The following USP34 variants were observed in gnomAD, a reference collection of about 807,000 sequenced individuals.
The protein encoded by USP34 is ubiquitin specific peptidase 34.
A neutral mutation model predicts 460.3 loss-of-function variants in USP34; 70 were observed. The observed-to-expected ratio is 0.15, with a 90% CI of 0.13 to 0.19. USP34 has a LOEUF of 0.19. USP34 is among the 10% of genes least tolerant of loss of function. USP34 has a pLI of 1.00. For missense variants in USP34, 3,985 were observed against 4,236.2 expected, an observed-to-expected ratio of 0.94 and a Z score of 1.65; for synonymous variants, 1,647 against 1,405.3, an observed-to-expected ratio of 1.17 and a Z score of -3.85.
rs541139131 is a variant in USP34, at chr2:61,395,785, C to CAA, written c.553-554_553-553dup. 5.8e-3 allele frequency among the ~76,000 whole-genome samples: 169 copies of CAA among 29,308 alleles called. 5 individuals carry two copies. Among genetic ancestry groups the CAA allele is most frequent in the African/African-American group, 0.015 (103 of 6,984 alleles). 19.2% of individuals were successfully genotyped at this position (29,308 alleles called of 152,430 possible). On this transcript the variant is annotated intron_variant, in intron 3 of 79. Transcript: ENST00000398571. ...TGGGCGACAGAACGAGACTCCGTCT[C>CAA]AAAAAAAAAAAAAAAAAAAAAAAAA...
intron 1 of USP34, among the ~76,000 whole-genome samples, chr2:61,448,026 A>G (rs1265152175): frequency 6.6e-6 from 1 of 152,264 alleles, no homozygotes; most frequent in East Asian, 1.9e-4. Flanking sequence ...ATTTAATAAA[A>G]TTGAACATCA....
intron 21 of USP34, among the ~76,000 whole-genome samples, 194 bp downstream of exon 21, chr2:61,325,181 C>A (rs1691047974): frequency 6.6e-6 from 1 of 151,724 alleles, no homozygotes; most frequent in African/African-American, 2.4e-5. Context: ...ACACAAGAAG[C>A]CCAATCCCTA....
At chr2:61,334,099 A>C in intron 18 of USP34, 128 bp from the exon 19 acceptor site, 2 of 573,878 alleles carry the variant, frequency 3.5e-6, no homozygotes, top group Non-Finnish European at 5.5e-6. Context: ...CACAAACATT[A>C]AACTTTTTTT....
chr2:61,262,259 G>C (rs984796071), intron 43 of USP34, among the ~76,000 whole-genome samples: 1 of 150,918 alleles, frequency 6.6e-6, no homozygotes, highest in South Asian at 2.1e-4. Context: ...CGTGTGTCAC[G>C]TAAGTTTGGT....
intron 53 of USP34, among the ~76,000 whole-genome samples, chr2:61,239,109 C>G (rs1370842527): frequency 1.3e-5 from 2 of 152,012 alleles, no homozygotes; most frequent in Non-Finnish European, 2.9e-5. Context: ...TGTGTTCTGA[C>G]TGCACCGAGT....
intron 21 of USP34, among the ~76,000 whole-genome samples, chr2:61,324,247 A>G (rs1004103945): frequency 1.3e-5 from 2 of 152,256 alleles, no homozygotes; most frequent in African/African-American, 4.8e-5. Context: ...ATCTATAACC[A>G]CATGGATTTG....
Position 61,301,421 on chromosome 2 carries a change from G to A in USP34, c.3851C>T (p.Ser1284Phe). ...GLMGPVRMIS[S>F]GHELTTDYDE... is the part of the protein sequence containing the mutation. ...ATAATCTGTTGTTAACTCGTGTCCA[G>A]ATGAAATCATCCTGACAGGTCCCAT... is the stretch of plus-strand genomic sequence containing the variant. Residue 1284 changes from serine (S) to phenylalanine (F), a missense_variant, in exon 28 of 80, where the codon TCT (serine) becomes TTT (phenylalanine). Coordinates refer to ENST00000398571, the MANE Select transcript of USP34 (RefSeq NM_014709.4). 1 of 1,613,892 alleles carries A rather than the reference G, an allele frequency of 6.2e-7. No individual in the cohort carries two copies.
At chr2:61,333,823 G>A in intron 19 of USP34, 59 bp downstream of exon 19, 6 of 1,195,580 alleles carry the variant, frequency 5.0e-6, no homozygotes, top group Non-Finnish European at 5.7e-6. Flanking sequence ...AAAACCTTTA[G>A]ATAACTATAA....
Position 61,221,596 on chromosome 2 carries a change from G to A in USP34, c.7805C>T (p.Pro2602Leu). The stretch of plus-strand genomic sequence containing the variant: ...TAGCATAGTCAACAACTTAAAGAAA[G>A]GATTGGCTGCCTGTAAAACACATAC... Reference protein sequence around the residue: ...IAKLTPEAANPFFKLLTMLME... With the variant: ...IAKLTPEAANLFFKLLTMLME... Residue 2602 changes from proline to leucine, a missense_variant, in exon 66 of 80, where the codon CCT becomes CTT. Around this residue, in one of 14 missense-constraint regions of USP34, gnomAD observed 604 missense variants for 684.8 expected, o/e 0.88. Transcript: ENST00000398571. 1 of 1,613,892 alleles carries A rather than the reference G, an allele frequency of 6.2e-7. No individual in the cohort carries two copies. The highest frequency in any genetic ancestry group is 8.5e-7 in the Non-Finnish European group (1 of 1,179,912).
At chr2:61,416,853 T>C in intron 2 of USP34, 1 of 555,808 alleles carries the variant, frequency 1.8e-6, no homozygotes, top group Non-Finnish European at 3.1e-6. Context: ...AATGTATTGG[T>C]ATTAAGAGGG....
rs762970805 is a variant in USP34 at position 61,284,969 on chromosome 2, A to G, written c.4750-12T>C. 1.3e-6 allele frequency: 2 copies of G among 1,592,994 alleles called. No individual in the cohort carries two copies. Among genetic ancestry groups the G allele is most frequent in the South Asian group, 1.1e-5 (1 of 88,572 alleles). On this transcript the variant is annotated splice_polypyrimidine_tract_variant and intron_variant, in intron 34 of 79. Coordinates refer to ENST00000398571, the MANE Select transcript of USP34 (RefSeq NM_014709.4). ...AGAACAAGAAATACCTTTAAAACAAAAACATTTTAAAAGATATTTAAATAC... is the reference window on the plus strand; with the variant it reads ...AGAACAAGAAATACCTTTAAAACAAGAACATTTTAAAAGATATTTAAATAC...
chr2:61,398,153 CAGG>C (rs1271195452), intron 3 of USP34, among the ~76,000 whole-genome samples: 1 of 152,052 alleles, frequency 6.6e-6, no homozygotes, highest in Non-Finnish European at 1.5e-5. Context: ...TGCTTGAACC[CAGG>C]AGTTCAAGAC....
rs1687525535 is a variant in USP34, at chr2:61,220,377, G to C, written c.7980C>G (p.Val2660=). ...TPRNKLAHSW[V]LQNMENWVER... Reference sequence around the variant, plus strand: ...CGACCCAGTTTTCCATATTCTGTAAGACCCAGCTGTGTGCCAGTTTATTTC... The same window carrying C: ...CGACCCAGTTTTCCATATTCTGTAACACCCAGCTGTGTGCCAGTTTATTTC... Residue 2660 remains valine, a synonymous_variant, in exon 67 of 80, where the codon GTC becomes GTG. Transcript: ENST00000398571. 1 of 1,613,932 alleles carries C rather than the reference G, an allele frequency of 6.2e-7. No individual in the cohort carries two copies.
At chr2:61,462,039 A>T (rs769466692) in intron 1 of USP34, among the ~76,000 whole-genome samples, 1 of 151,952 alleles carries the variant, frequency 6.6e-6, no homozygotes, top group Non-Finnish European at 1.5e-5. Flanking sequence ...GGAGTTCAAG[A>T]CCAGCCTGGC....
intron 37 of USP34, among the ~76,000 whole-genome samples, chr2:61,282,261 T>C (rs1462255641): frequency 1.3e-5 from 2 of 152,148 alleles, no homozygotes; most frequent in African/African-American, 4.8e-5. Context: ...ATTACAGGCG[T>C]GAGCCACAGT....
intron 12 of USP34, 126 bp downstream of exon 12, chr2:61,350,134 G>A: frequency 1.0e-6 from 1 of 990,726 alleles, no homozygotes; most frequent in African/African-American, 1.6e-5. Flanking sequence ...CCTTTTATAT[G>A]CACTCTTCTA....
intron 18 of USP34, among the ~76,000 whole-genome samples, chr2:61,338,135 A>G (rs1038900332): frequency 1.3e-5 from 2 of 152,206 alleles, no homozygotes; most frequent in African/African-American, 4.8e-5. Context: ...CAGCCTGGCC[A>G]ACATGGTGAA....
At chr2:61,231,983 A>G (rs1211076191) in intron 58 of USP34, among the ~76,000 whole-genome samples, 2 of 151,936 alleles carry the variant, frequency 1.3e-5, no homozygotes, top group Non-Finnish European at 2.9e-5. Context: ...ACTATAAAGT[A>G]ATATTTAAAT....
At chr2:61,467,119 A>G (rs747723345) in intron 1 of USP34, among the ~76,000 whole-genome samples, 3 of 151,928 alleles carry the variant, frequency 2.0e-5, no homozygotes, top group Non-Finnish European at 4.4e-5. Flanking sequence ...CCTGGCCAAT[A>G]TGGTGAAACC....
Sources: gnomAD v4.1 joint callset for allele counts (sites outside exome capture counted in the v4.1 genomes callset) on GRCh38, gnomAD v4.1.1 for gene constraint, gnomAD v4.1.1 regional missense constraint, MANE v1.5 for transcripts, NCBI Gene and HGNC (gene_info 2026-07-23, HGNC 2026-07-21) for gene names.